Variants in ZFHX2 observed in about 807,000 individuals in gnomAD.
ZFHX2 encodes zinc finger homeobox 2, also known as zinc finger homeobox protein 2.
Under a neutral mutation model 164.8 loss-of-function variants are expected in ZFHX2, and 75 were observed. That is an observed-to-expected ratio of 0.46 (90% CI 0.38 to 0.55). The LOEUF is 0.55. Ranked by LOEUF, ZFHX2 falls within the 20% of genes least tolerant of loss-of-function variation. The pLI, the probability that ZFHX2 is intolerant of heterozygous loss-of-function variation, is 0.00. For missense variants in ZFHX2, 2,933 were observed against 3,308.0 expected (o/e 0.89, Z 2.78); for synonymous variants, 1,217 against 1,351.4 (o/e 0.90, Z 2.18).
In ZFHX2 at chr14:23,523,325, G is replaced by T; in HGVS notation, c.6617C>A (p.Ala2206Asp). The T allele has an allele frequency of 1.4e-6, 2 of 1,454,240 alleles. No individual in the cohort carries two copies. Among genetic ancestry groups the T allele is most frequent in the Non-Finnish European group, 9.0e-7 (1 of 1,107,490 alleles). 90.1% of individuals were successfully genotyped at this position (1,454,240 alleles called of 1,614,324 possible). A position where few individuals can be genotyped will look rare whatever the true frequency, so the allele number is the denominator to read the frequency against. ...GAGGGGCATGGAGGCAGGTGTGGTG[G>T]CAGGTGGGGCCTTGAGAGCTGGGGG... Reference protein sequence around the residue: ...EAPPALKAPPATTPASMPLGA... With the variant: ...EAPPALKAPPDTTPASMPLGA... Residue 2206 changes from alanine to aspartate, a missense_variant, in exon 9 of 10, where the codon GCC becomes GAC. Ala to Asp is a moderately radical substitution (Grantham distance 126). Transcript: ENST00000419474. The surrounding 1 kb of genome is among the most constrained non-coding windows in gnomAD (Gnocchi z 4.1).
chr14:23,522,630 G>T lies in ZFHX2; in HGVS notation c.7051C>A (p.Pro2351Thr). ...LGGQFLPFPL[P>T]PAGGTAPPAV... ...GGCGGTGCTGTTCCCCCAGCAGGGG[G>T]CAATGGAAAGGGCAGGAACTGGCCC... is the stretch of plus-strand genomic sequence containing the variant. The change falls in exon 10 of 10, where the codon CCC becomes ACC. Residue 2351 changes from proline (P) to threonine (T), a missense_variant. By Grantham distance (38) the Pro-to-Thr change is conservative. Coordinates refer to ENST00000419474, the MANE Select transcript of ZFHX2 (RefSeq NM_033400.3). 1 of 1,535,118 alleles carries T rather than the reference G, an allele frequency of 6.5e-7. No homozygotes were observed. The highest frequency in any genetic ancestry group is 2.4e-5 in the East Asian group (1 of 40,886).
chr14:23,538,435 A>C (rs1880431043), intron 1 of ZFHX2, among the ~76,000 whole-genome samples: 5 of 144,570 alleles, frequency 3.5e-5, no homozygotes, highest in East Asian at 2.0e-4. Context: ...TTGCATTTTC[A>C]CTCCTCCATC....
At chr14:23,554,659 A>AT (rs1366608438), upstream of ZFHX2, among the ~76,000 whole-genome samples, 2 of 150,744 alleles carry the variant, frequency 1.3e-5, no homozygotes, top group Non-Finnish European at 2.9e-5. Context: ...AAGTGCTAGG[A>AT]TTACAAGTGT....
At chr14:23,541,099 T>C (rs1880757307) in intron 1 of ZFHX2, among the ~76,000 whole-genome samples, 1 of 151,778 alleles carries the variant, frequency 6.6e-6, no homozygotes, top group African/African-American at 2.4e-5. Flanking sequence ...AGAGACGGGG[T>C]TTCACCATGT....
rs1878309876 is a variant in ZFHX2 at position 23,523,511 on chromosome 14, T to A, written c.6431A>T (p.Gln2144Leu). The change falls in exon 9 of 10, where the codon CAG (glutamine) becomes CTG (leucine). Residue 2144 changes from glutamine (Q) to leucine (L), a missense_variant. By Grantham distance (113) the Gln-to-Leu change is moderately radical. Transcript: ENST00000419474. This position sits in a 1 kb window ranked among gnomAD's most constrained non-coding sequence, Gnocchi z 4.1. ...ATCACAATAGGGGCAGTCAGTGCGCTGGGCTGCTAAGAGGCCCTCACTGCT... is the reference window on the plus strand; with the variant it reads ...ATCACAATAGGGGCAGTCAGTGCGCAGGGCTGCTAAGAGGCCCTCACTGCT... Reference protein sequence around the residue: ...GGSSEGLLAAQRTDCPYCDVK... With the variant: ...GGSSEGLLAALRTDCPYCDVK... 7.8e-6 allele frequency: 12 copies of A among 1,536,406 alleles called. No homozygotes were observed. The highest frequency in any genetic ancestry group is 1.0e-5 in the Non-Finnish European group (12 of 1,146,922).
At chr14:23,555,441 C>A (rs150067053), upstream of ZFHX2, among the ~76,000 whole-genome samples, 2,414 of 152,304 alleles carry the variant, frequency 0.016, 27 homozygotes, top group Middle Eastern at 0.031. Context: ...TCCTTACGTA[C>A]CACCCAGGTG....
intron 1 of ZFHX2, among the ~76,000 whole-genome samples, chr14:23,536,543 T>C (rs1324339067): frequency 6.6e-6 from 1 of 152,214 alleles, no homozygotes; most frequent in Non-Finnish European, 1.5e-5. Flanking sequence ...AAATAATAAG[T>C]AATAGTAATA....
chr14:23,522,073 G>T lies in ZFHX2; in HGVS notation c.7608C>A (p.Asn2536Lys). ...CAGCAGCCGAGGCAGCAGTGGCGGC[G>T]TTGGTGATGGAGATGGGTGGGCCCC... ...PQGGPPISIT[N>K]AATAASAAVA... The change falls in exon 10 of 10, where the codon AAC becomes AAA. Residue 2536 changes from asparagine (N) to lysine (K), a missense_variant. Asn to Lys is a moderately conservative substitution (Grantham distance 94). Transcript: ENST00000419474. 2 of 1,536,306 alleles carry T rather than the reference G, an allele frequency of 1.3e-6. No homozygotes were observed. Among genetic ancestry groups the T allele is most frequent in the Non-Finnish European group, 1.7e-6 (2 of 1,146,852 alleles).
intron 1 of ZFHX2, among the ~76,000 whole-genome samples, chr14:23,540,901 T>TG (rs1880729169): frequency 2.6e-5 from 4 of 152,100 alleles, no homozygotes; most frequent in Non-Finnish European, 5.9e-5. Flanking sequence ...CACCCCTTTT[T>TG]CTTTTTTCTC....
Position 23,524,357 on chromosome 14 carries a change from G to C in ZFHX2, c.5585C>G (p.Thr1862Ser). The change falls in exon 9 of 10, where the codon ACC becomes AGC. Residue 1862 changes from threonine to serine, a missense_variant. Transcript: ENST00000419474. This position sits in a 1 kb window ranked among gnomAD's most constrained non-coding sequence, Gnocchi z 5.6. ...GEPPRDKRLR[T>S]TILPEQLEIL... ...CTCTAGCTGCTCAGGCAAGATGGTG[G>C]TGCGCAGGCGCTTGTCCCTGGGGGG... The C allele has an allele frequency of 6.5e-7, 1 of 1,536,274 alleles. No homozygotes were observed. The highest frequency in any genetic ancestry group is 8.7e-7 in the Non-Finnish European group (1 of 1,146,936).
chr14:23,527,663 A>G lies in ZFHX2; in HGVS notation c.3076T>C (p.Phe1026Leu), dbSNP rs757829523. Residue 1026 changes from phenylalanine to leucine, a missense_variant, in exon 7 of 10, where the codon TTC (phenylalanine) becomes CTC (leucine). Phe to Leu is a conservative substitution (Grantham distance 22). Coordinates refer to ENST00000419474, the MANE Select transcript of ZFHX2 (RefSeq NM_033400.3). ...ACGTTGTGAAGGTGGCTAAGGTGGA[A>G]GTGCAGGGCAGGCCGGCCCACCAGC... ...EQLVGRPALHFHLSHLHNVVP... is the reference protein window; with the variant it reads ...EQLVGRPALHLHLSHLHNVVP... 65 of 1,536,336 alleles carry G rather than the reference A, an allele frequency of 4.2e-5. No individual in the cohort carries two copies. In the Middle Eastern group the frequency reaches 5.0e-4, roughly 12 times the overall value.
In ZFHX2 at chr14:23,533,675, C is replaced by G. The variant is rs1034181097; in HGVS notation, c.1651G>C (p.Glu551Gln). ...CCCGCGGAGGGTGGGAGTGATGCCT[C>G]TGGTGGACTTCCCTGCCCACCAGGG... is the stretch of plus-strand genomic sequence containing the variant. ...AGPGGQGSPPEASLPPSAGDK... is the reference protein window; with the variant it reads ...AGPGGQGSPPQASLPPSAGDK... Residue 551 changes from glutamate (E) to glutamine (Q), a missense_variant, in exon 2 of 10, where the codon GAG (glutamate) becomes CAG (glutamine). Transcript: ENST00000419474. This position sits in a 1 kb window ranked among gnomAD's most constrained non-coding sequence, Gnocchi z 4.8. The G allele has an allele frequency of 6.5e-6, 10 of 1,538,154 alleles. No individual in the cohort carries two copies. The highest frequency in any genetic ancestry group is 7.0e-6 in the Non-Finnish European group (8 of 1,147,768).
intron 1 of ZFHX2, among the ~76,000 whole-genome samples, chr14:23,550,884 T>C (rs1045259632): frequency 5.7e-4 from 86 of 151,700 alleles, no homozygotes; most frequent in African/African-American, 1.9e-3. Flanking sequence ...GGTTCTCCCA[T>C]CCCACAGCCG....
upstream of ZFHX2, among the ~76,000 whole-genome samples, chr14:23,554,095 CG>C (rs1566599953): frequency 6.8e-6 from 1 of 146,288 alleles, no homozygotes; most frequent in African/African-American, 2.5e-5. Flanking sequence ...GAGTAGCTTG[CG>C]GAAGGCCAAA....
chr14:23,529,809 C>T, intron 5 of ZFHX2, 41 bp from the exon 6 acceptor site: 1 of 1,524,092 alleles, frequency 6.6e-7, no homozygotes, highest in Admixed American at 2.0e-5. Context: ...CCCTGACAGC[C>T]CTCAAGATGA....
At chr14:23,554,131 C>T (rs1043460573), upstream of ZFHX2, among the ~76,000 whole-genome samples, 2 of 151,024 alleles carry the variant, frequency 1.3e-5, no homozygotes, top group Non-Finnish European at 1.5e-5. Flanking sequence ...AGCTGGGAGT[C>T]GACCTCAGGT....
At chr14:23,528,634 T>C (rs1309355493) in intron 6 of ZFHX2, 1 of 985,358 alleles carries the variant, frequency 1.0e-6, no homozygotes, top group Non-Finnish European at 1.2e-6. Flanking sequence ...CCTACCTGTC[T>C]GCTCAGAAGC....
At chr14:23,554,038 CAAAAAAAA>C (rs61363455), upstream of ZFHX2, among the ~76,000 whole-genome samples, 2 of 36,064 alleles carry the variant, frequency 5.5e-5, no homozygotes, top group African/African-American at 8.0e-5. Context: ...GACTCTGTCT[CAAAAAAAA>C]AAAAAAAAAA....
intron 1 of ZFHX2, among the ~76,000 whole-genome samples, chr14:23,549,381 C>T (rs1009013579): frequency 1.1e-4 from 16 of 152,156 alleles, no homozygotes; most frequent in African/African-American, 3.9e-4. Flanking sequence ...TCTGCCTGCT[C>T]CTTTTACCTT....
Sources: gnomAD v4.1 joint callset for allele counts (sites outside exome capture counted in the v4.1 genomes callset) on GRCh38, gnomAD v4.1.1 for gene constraint, Gnocchi (gnomAD v3.1) non-coding constraint, MANE v1.5 for transcripts, NCBI Gene and HGNC (gene_info 2026-07-23, HGNC 2026-07-21) for gene names.